The following PRKN variants were observed in gnomAD, a reference collection of about 807,000 sequenced individuals.
PRKN encodes the protein parkin RBR E3 ubiquitin protein ligase, also known as E3 ubiquitin-protein ligase parkin.
A neutral mutation model predicts 59.5 loss-of-function variants in PRKN; 56 were observed. That is an observed-to-expected ratio of 0.94 (90% confidence interval 0.76 to 1.18). The LOEUF (loss-of-function observed/expected upper bound fraction) is 1.18, where lower values mean the gene tolerates loss of function less well. Ranked by LOEUF, PRKN falls within the 50% of genes most tolerant of loss-of-function variation. PRKN has a pLI of 0.00. For missense variants in PRKN, 657 were observed against 596.4 expected (o/e 1.10, Z -1.06); for synonymous variants, 250 against 222.1 (o/e 1.13, Z -1.12).
Position 161,891,931 on chromosome 6 carries a change from C to T in PRKN, c.734+81371G>A, listed in dbSNP as rs1013114046. On this transcript the variant is annotated intron_variant, in intron 6 of 11. Coordinates refer to ENST00000366898, the MANE Select transcript of PRKN (RefSeq NM_004562.3). ...TGCCCTTGTTTAGTCCTTACCTAGA[C>T]ATCTCACAAATATTCCTGTGAAGTT... is the stretch of plus-strand genomic sequence containing the variant. Among the ~76,000 whole-genome samples the T allele has an allele frequency of 1.1e-4, 17 of 152,038 alleles. No individual in the cohort carries two copies. In the East Asian group the frequency reaches 1.6e-3, roughly 14 times the overall value.
chr6:161,855,216 G>A (rs1244562758), intron 6 of PRKN, among the ~76,000 whole-genome samples: 3 of 152,052 alleles, frequency 2.0e-5, no homozygotes, highest in East Asian at 3.9e-4. Flanking sequence ...CTCTTTCTGC[G>A]ATGATCAGGG....
At position 161,744,682 on chromosome 6, in the gene PRKN, T is replaced by C. The variant is rs76749080; in HGVS notation, c.871+41090A>G. ...ATTGACTCGTGGTCTATTCCTTCAC[T>C]GTACTGACGCTCCTAGCTTCGAGAA... On this transcript the variant is annotated intron_variant, in intron 7 of 11. Coordinates refer to ENST00000366898, the MANE Select transcript of PRKN (RefSeq NM_004562.3). 2.8e-3 allele frequency among the ~76,000 whole-genome samples: 419 copies of C among 152,350 alleles called. 9 individuals carry two copies. In the East Asian group the frequency reaches 0.04, roughly 14 times the overall value.
chr6:162,268,734 C>T (rs921933341), intron 2 of PRKN, among the ~76,000 whole-genome samples: 3 of 152,252 alleles, frequency 2.0e-5, no homozygotes, highest in South Asian at 2.1e-4. Flanking sequence ...CCCAGGCCAT[C>T]GACTCCTCTG....
intron 6 of PRKN, among the ~76,000 whole-genome samples, chr6:161,962,291 C>T (rs979716451): frequency 3.0e-4 from 46 of 152,162 alleles, no homozygotes; most frequent in African/African-American, 9.7e-4. Context: ...AAGATATGAA[C>T]TGGCACAAAC....
rs1785360102 is a variant in PRKN, at chr6:161,369,658, T to C, written c.1168-9453A>G. The stretch of plus-strand genomic sequence containing the variant: ...TGGCAGGAGGAATTGCATGCATGCA[T>C]GTGTGTACGCACGCGTGGTGGAGGT... On this transcript the variant is annotated intron_variant, in intron 10 of 11. Coordinates refer to ENST00000366898, the MANE Select transcript of PRKN (RefSeq NM_004562.3). The surrounding 1 kb of genome is among the most constrained non-coding windows in gnomAD (Gnocchi z 5.8). Among the ~76,000 whole-genome samples the C allele has an allele frequency of 6.6e-6, 1 of 152,078 alleles. No individual in the cohort carries two copies. The highest frequency in any genetic ancestry group is 2.4e-5 in the African/African-American group (1 of 41,420).
chr6:162,485,253 T>C (rs1284855304), intron 1 of PRKN, among the ~76,000 whole-genome samples: 3 of 152,302 alleles, frequency 2.0e-5, no homozygotes, highest in African/African-American at 4.8e-5. Context: ...AAGGATTCTT[T>C]AGAGGAATGG....
At chr6:161,555,328 T>A (rs1010786104) in intron 8 of PRKN, among the ~76,000 whole-genome samples, 2 of 152,226 alleles carry the variant, frequency 1.3e-5, no homozygotes, top group African/African-American at 4.8e-5. Flanking sequence ...GGATGCTATT[T>A]TGTTCTACAT....
At position 161,376,668 on chromosome 6, in the gene PRKN, C is replaced by T. The variant is rs968734052; in HGVS notation, c.1167+10126G>A. ...CATCACGGCGATAGGGCAGCTCACG[C>T]CCAGTGGTGGAGGGTGGATGCGAAG... On this transcript the variant is annotated intron_variant, in intron 10 of 11. Coordinates refer to ENST00000366898, the MANE Select transcript of PRKN (RefSeq NM_004562.3). This position sits in a 1 kb window ranked among gnomAD's most constrained non-coding sequence, Gnocchi z 7.3. Among the ~76,000 whole-genome samples the T allele has an allele frequency of 6.6e-6, 1 of 152,124 alleles. No homozygotes were observed. Among genetic ancestry groups the T allele is most frequent in the African/African-American group, 2.4e-5 (1 of 41,424 alleles).
chr6:162,399,236 C>T (rs1440450717), intron 2 of PRKN, among the ~76,000 whole-genome samples: 1 of 152,126 alleles, frequency 6.6e-6, no homozygotes, highest in Admixed American at 6.5e-5. Flanking sequence ...CATGGAGAGA[C>T]ATCTTCCTGA....
chr6:161,942,277 TC>T lies in PRKN; in HGVS notation c.734+31024del, dbSNP rs1779593158. 2.6e-5 allele frequency among the ~76,000 whole-genome samples: 4 copies of T among 152,188 alleles called. No individual in the cohort carries two copies. In the South Asian group the frequency reaches 8.3e-4, roughly 32 times the overall value. On this transcript the variant is annotated intron_variant, in intron 6 of 11. Coordinates refer to ENST00000366898, the MANE Select transcript of PRKN (RefSeq NM_004562.3). ...GCTGGGCGCGGTGGCTCACTCTCAA[TC>T]CCAGCACTTTGGGAGGCCGAGGCAG...
intron 2 of PRKN, among the ~76,000 whole-genome samples, chr6:162,344,567 G>T (rs1416591821): frequency 6.6e-6 from 1 of 151,930 alleles, no homozygotes; most frequent in African/African-American, 2.4e-5. Context: ...GGTCAGGGAG[G>T]TCTGGCCTGG....
At chr6:161,521,927 G>C (rs1778840854) in intron 9 of PRKN, among the ~76,000 whole-genome samples, 1 of 152,110 alleles carries the variant, frequency 6.6e-6, no homozygotes, top group Admixed American at 6.6e-5. Flanking sequence ...TGACATTCTG[G>C]TTGATTATCA....
intron 1 of PRKN, among the ~76,000 whole-genome samples, chr6:162,713,491 C>T (rs1778614827): frequency 2.4e-5 from 1 of 40,886 alleles, no homozygotes; most frequent in African/African-American, 1.5e-4. Context: ...GAGACTCCAC[C>T]TCAAAAAAAA....
chr6:162,702,892 C>T (rs1247499607), intron 1 of PRKN, among the ~76,000 whole-genome samples: 1 of 152,168 alleles, frequency 6.6e-6, no homozygotes, highest in African/African-American at 2.4e-5. Flanking sequence ...ACTGCATGTA[C>T]ATGGTTGATT....
intron 5 of PRKN, among the ~76,000 whole-genome samples, chr6:162,011,081 ATATAT>A (rs1242457748): frequency 0.014 from 153 of 10,856 alleles, 56 homozygotes; most frequent in Non-Finnish European, 0.018. Flanking sequence ...TATTTATAAT[ATATAT>A]TATAATATAT....
chr6:161,508,508 T>G lies in PRKN; in HGVS notation c.1083+40346A>C, dbSNP rs999335235. Among the ~76,000 whole-genome samples, 6 of 152,334 alleles carry G rather than the reference T, an allele frequency of 3.9e-5. No homozygotes were observed. The East Asian group carries it at 1.2e-3, about 29-fold the overall frequency. The stretch of plus-strand genomic sequence containing the variant: ...CTCCATTACACATGATGAAAAATTC[T>G]CCCCTGCCATATTGTAAGATCATTT... On this transcript the variant is annotated intron_variant, in intron 9 of 11. Transcript: ENST00000366898.
intron 1 of PRKN, among the ~76,000 whole-genome samples, chr6:162,662,088 G>T (rs1304626182): frequency 6.7e-6 from 1 of 150,246 alleles, no homozygotes; most frequent in Non-Finnish European, 1.5e-5. Context: ...ATGAATGAAG[G>T]TATCTTTTTT....
chr6:162,390,396 T>TATATATACAC (rs1180636201), intron 2 of PRKN, among the ~76,000 whole-genome samples: 2 of 84,114 alleles, frequency 2.4e-5, no homozygotes, highest in East Asian at 3.2e-4. Context: ...TATATATATA[T>TATATATACAC]ACACACACAC....
At chr6:162,298,139 G>A (rs1372468467) in intron 2 of PRKN, among the ~76,000 whole-genome samples, 1 of 151,894 alleles carries the variant, frequency 6.6e-6, no homozygotes, top group Non-Finnish European at 1.5e-5. Flanking sequence ...ACAAGGGGAG[G>A]TACCAGGAGG....
Sources: allele counts gnomAD v4.1 joint callset (sites outside exome capture counted in the v4.1 genomes callset), GRCh38; gene constraint gnomAD v4.1.1; non-coding constraint Gnocchi (gnomAD v3.1); transcripts MANE v1.5; gene names NCBI Gene and HGNC (gene_info 2026-07-23, HGNC 2026-07-21).